SLC14A2: variants seen among roughly 807,000 people sequenced by gnomAD.
SLC14A2 encodes the protein urea transporter 2.
Under a neutral mutation model 104.6 loss-of-function variants are expected in SLC14A2, and 91 were observed. The observed-to-expected ratio is 0.87, with a 90% confidence interval of 0.73 to 1.04. The LOEUF (loss-of-function observed/expected upper bound fraction) is 1.04. Ranked by LOEUF, SLC14A2 falls within the 50% of genes least tolerant of loss-of-function variation. SLC14A2 has a pLI of 0.00. For missense variants in SLC14A2, 1,189 were observed against 1,156.0 expected, an observed-to-expected ratio of 1.03 and a Z score of -0.41; for synonymous variants, 476 against 466.4, an observed-to-expected ratio of 1.02 and a Z score of -0.27.
intron 1 of SLC14A2, among the ~76,000 whole-genome samples, chr18:45,281,707 C>A (rs2084764072): frequency 6.6e-6 from 1 of 152,212 alleles, no homozygotes. Context: ...AACAAGGCCA[C>A]TTAATGGCTA....
chr18:45,182,231 A>G, the SLC14A2 span, among the ~76,000 whole-genome samples: 1 of 152,020 alleles, frequency 6.6e-6, no homozygotes, highest in Non-Finnish European at 1.5e-5. Flanking sequence ...AATATTTGGT[A>G]CGTTAGAAAA....
intron 6 of SLC14A2, among the ~76,000 whole-genome samples, chr18:45,639,512 C>T (rs1489082611): frequency 6.6e-6 from 1 of 152,100 alleles, no homozygotes; most frequent in Admixed American, 6.5e-5. Flanking sequence ...CATGCCCAGC[C>T]CATGTTGGGG....
chr18:45,209,106 G>A (rs2083939575), upstream of SLC14A2, among the ~76,000 whole-genome samples: 1 of 150,012 alleles, frequency 6.7e-6, no homozygotes, highest in East Asian at 1.9e-4. Flanking sequence ...GGAGGCTGAG[G>A]CGGGCGGATC....
intron 1 of SLC14A2, among the ~76,000 whole-genome samples, chr18:45,327,667 A>C (rs1268994850): frequency 6.6e-6 from 1 of 152,146 alleles, no homozygotes; most frequent in Non-Finnish European, 1.5e-5. Flanking sequence ...TCTTTCACAC[A>C]GCATAAGGTT....
At chr18:45,347,638 G>A (rs1347941584) in intron 1 of SLC14A2, among the ~76,000 whole-genome samples, 1 of 152,072 alleles carries the variant, frequency 6.6e-6, no homozygotes, top group Non-Finnish European at 1.5e-5. Flanking sequence ...AATAACTACA[G>A]CTTTACACTA....
At chr18:45,637,460 CAG>C (rs1251059673) in intron 6 of SLC14A2, among the ~76,000 whole-genome samples, 1 of 152,144 alleles carries the variant, frequency 6.6e-6, no homozygotes, top group Non-Finnish European at 1.5e-5. Flanking sequence ...TACGGGGAAA[CAG>C]ATAACATGCA....
intron 2 of SLC14A2, among the ~76,000 whole-genome samples, chr18:45,516,207 C>T (rs914358940): frequency 6.6e-5 from 10 of 152,186 alleles, no homozygotes; most frequent in South Asian, 6.2e-4. Flanking sequence ...CCTTTCTCTC[C>T]CCCCTCACTA....
At chr18:45,422,563 G>C (rs940860498) in intron 1 of SLC14A2, among the ~76,000 whole-genome samples, 1 of 152,144 alleles carries the variant, frequency 6.6e-6, no homozygotes, top group Admixed American at 6.5e-5. Flanking sequence ...AGACGGCTGA[G>C]CCAGGGAGAG....
chr18:45,331,778 A>C (rs1031732523), intron 1 of SLC14A2, among the ~76,000 whole-genome samples: 1 of 152,198 alleles, frequency 6.6e-6, no homozygotes, highest in Admixed American at 6.5e-5. Flanking sequence ...AATGATCCTT[A>C]ACATTCTAGC....
chr18:45,622,622 G>A (rs1201582841), intron 1 of SLC14A2, among the ~76,000 whole-genome samples: 1 of 152,146 alleles, frequency 6.6e-6, no homozygotes, highest in Non-Finnish European at 1.5e-5. Context: ...CGGAACAGGG[G>A]TCTGCAAAAT....
intron 1 of SLC14A2, among the ~76,000 whole-genome samples, chr18:45,449,966 C>T (rs760568613): frequency 9.2e-5 from 14 of 152,300 alleles, no homozygotes; most frequent in South Asian, 4.1e-4. Context: ...AAGAGATACA[C>T]GATCACTTAC....
chr18:45,200,268 C>T, the SLC14A2 span, among the ~76,000 whole-genome samples: 1 of 152,104 alleles, frequency 6.6e-6, no homozygotes, highest in South Asian at 2.1e-4. Flanking sequence ...TAAGCCACAA[C>T]CTAATTGTGG....
chr18:45,317,580 A>G (rs1183068896), intron 1 of SLC14A2, among the ~76,000 whole-genome samples: 1 of 152,162 alleles, frequency 6.6e-6, no homozygotes, highest in African/African-American at 2.4e-5. Flanking sequence ...TGAAAGATGA[A>G]TAAGAGCTGG....
chr18:45,448,491 A>G (rs2086806865), intron 1 of SLC14A2, among the ~76,000 whole-genome samples: 1 of 152,216 alleles, frequency 6.6e-6, no homozygotes, highest in Admixed American at 6.5e-5. Flanking sequence ...TAATGAAAAC[A>G]CATGAAATGA....
chr18:45,458,094 T>C (rs1344333019), intron 1 of SLC14A2, among the ~76,000 whole-genome samples: 2 of 152,192 alleles, frequency 1.3e-5, no homozygotes, highest in African/African-American at 4.8e-5. Context: ...GGGCTGGGGA[T>C]TTCAGGCCTC....
At chr18:45,196,414 C>G in the SLC14A2 span, among the ~76,000 whole-genome samples, 1 of 152,152 alleles carries the variant, frequency 6.6e-6, no homozygotes, top group Non-Finnish European at 1.5e-5. Flanking sequence ...TTTGAAGCTG[C>G]TCAGCTAAAG....
chr18:45,452,428 TTGTG>T (rs1466316964), intron 1 of SLC14A2, among the ~76,000 whole-genome samples: 1 of 152,188 alleles, frequency 6.6e-6, no homozygotes, highest in African/African-American at 2.4e-5. Context: ...CATCCATTGT[TTGTG>T]TGTGAGTGAG....
chr18:45,377,001 T>C (rs1296756163), intron 1 of SLC14A2, among the ~76,000 whole-genome samples: 1 of 152,210 alleles, frequency 6.6e-6, no homozygotes, highest in African/African-American at 2.4e-5. Flanking sequence ...CTTTACTTCC[T>C]ATCCCCTTTA....
intron 1 of SLC14A2, among the ~76,000 whole-genome samples, chr18:45,310,715 G>A (rs551042789): frequency 2.0e-5 from 3 of 152,298 alleles, no homozygotes; most frequent in African/African-American, 4.8e-5. Flanking sequence ...ACACTATGTC[G>A]GTCTCTATAA....
Sources: allele counts gnomAD v4.1 joint callset (sites outside exome capture counted in the v4.1 genomes callset), GRCh38; gene constraint gnomAD v4.1.1; transcripts MANE v1.5; gene names NCBI Gene and HGNC (gene_info 2026-07-23, HGNC 2026-07-21).